Variants in HEMK1 observed in about 807,000 individuals in gnomAD.
The protein encoded by HEMK1 is HemK methyltransferase 1, mitochondrial release factors N(5)-glutamine, also known as MTRF1L release factor glutamine methyltransferase.
A neutral mutation model predicts 47.9 loss-of-function variants in HEMK1; 36 were observed. The observed-to-expected ratio is 0.75, with a 90% confidence interval of 0.58 to 0.99. HEMK1 has a LOEUF of 0.99. HEMK1 is among the 50% of genes least tolerant of loss of function. The pLI is 0.00. For missense variants in HEMK1, 383 were observed against 434.5 expected (o/e 0.88, Z 1.05); for synonymous variants, 153 against 165.4 (o/e 0.93, Z 0.57).
At position 50,584,763 on chromosome 3, in the gene HEMK1, C is replaced by T. The variant is rs1413100306; in HGVS notation, c.*4346C>T. ...TGTTGTTTTCACATGTGTGAAAACACATGTGTGATAATTTGTTACAGCAGC... is the reference window on the plus strand; with the variant it reads ...TGTTGTTTTCACATGTGTGAAAACATATGTGTGATAATTTGTTACAGCAGC... On this transcript the variant is annotated 3_prime_UTR_variant, in exon 11 of 11. Coordinates refer to ENST00000232854, the MANE Select transcript of HEMK1 (RefSeq NM_016173.5). 2 of 152,124 alleles carry T rather than the reference C, an allele frequency of 1.3e-5. No individual in the cohort carries two copies. Among genetic ancestry groups the T allele is most frequent in the Non-Finnish European group, 2.9e-5 (2 of 68,026 alleles). 9.4% of individuals were successfully genotyped at this position (152,124 alleles called of 1,614,324 possible).
intron 4 of HEMK1, among the ~76,000 whole-genome samples, chr3:50,575,492 AGTGTGG>A (rs1251409316): frequency 6.6e-6 from 1 of 152,124 alleles, no homozygotes; most frequent in African/African-American, 2.4e-5. Context: ...AAGCCCTGCC[AGTGTGG>A]GACACACTGC....
chr3:50,594,510 G>C lies in HEMK1; in HGVS notation c.*14093G>C, dbSNP rs2031870218. The C allele has an allele frequency of 6.6e-6, 1 of 152,308 alleles. No individual in the cohort carries two copies. Among genetic ancestry groups the C allele is most frequent in the African/African-American group, 2.4e-5 (1 of 41,470 alleles). The allele number at this position is 152,308 out of a possible 1,614,324, so 9.4% of individuals were successfully genotyped here. A position where few individuals can be genotyped will look rare whatever the true frequency, so the allele number is the denominator to read the frequency against. ...ACAAGGAATGGGCACTATTCAGGCA[G>C]GCCCCCATCACAGTCTGGTGGGGTC... On this transcript the variant is annotated 3_prime_UTR_variant, in exon 11 of 11. Coordinates refer to ENST00000232854, the MANE Select transcript of HEMK1 (RefSeq NM_016173.5).
rs2031043023 is a variant in HEMK1, at chr3:50,583,407, C to T, written c.*2990C>T. 1 of 152,214 alleles carries T rather than the reference C, an allele frequency of 6.6e-6. No homozygotes were observed. Among genetic ancestry groups the T allele is most frequent in the African/African-American group, 2.4e-5 (1 of 41,430 alleles). The allele number at this position is 152,214 out of a possible 1,614,324, so 9.4% of individuals were successfully genotyped here. On this transcript the variant is annotated 3_prime_UTR_variant, in exon 11 of 11. Coordinates refer to ENST00000232854, the MANE Select transcript of HEMK1 (RefSeq NM_016173.5). ...TGGCTCCCCATGACTTAAGTGTGTT[C>T]TCTTGTGTCCTATGGAATCCAGTTC...
chr3:50,571,338 G>GT lies in HEMK1; in HGVS notation c.228+9dup. On this transcript the variant is annotated splice_region_variant and intron_variant, in intron 2 of 10. Transcript: ENST00000232854. ...ATGTCCTTGGAGCCAAAACAGTTAAGTTTAGTGTTGTCAAGAGGACAGGAA... is the reference window on the plus strand; with the variant it reads ...ATGTCCTTGGAGCCAAAACAGTTAAGTTTTAGTGTTGTCAAGAGGACAGGAA... 1 of 1,566,712 alleles carries GT rather than the reference G, an allele frequency of 6.4e-7. No homozygotes were observed.
intron 4 of HEMK1, among the ~76,000 whole-genome samples, chr3:50,575,674 C>T (rs775078758): frequency 6.6e-6 from 1 of 152,162 alleles, no homozygotes; most frequent in Non-Finnish European, 1.5e-5. Context: ...ATCAGGGAAG[C>T]ACCCACTTGC....
chr3:50,577,729 C>A, intron 6 of HEMK1, 97 bp from the exon 7 acceptor site: 1 of 1,422,876 alleles, frequency 7.0e-7, no homozygotes, highest in South Asian at 1.1e-5. Context: ...CAGTGAGTAT[C>A]TTGCCAGTCC....
rs2031775775 is a variant in HEMK1, at chr3:50,592,480, T to C, written c.*12063T>C. The C allele has an allele frequency of 6.6e-6, 1 of 152,268 alleles. No homozygotes were observed. The highest frequency in any genetic ancestry group is 2.4e-5 in the African/African-American group (1 of 41,460). 9.4% of individuals were successfully genotyped at this position (152,268 alleles called of 1,614,324 possible). A position where few individuals can be genotyped will look rare whatever the true frequency, so the allele number is the denominator to read the frequency against. On this transcript the variant is annotated 3_prime_UTR_variant, in exon 11 of 11. Transcript: ENST00000232854. ...GAATAAAATTCAGCCTTCCAAATTT[T>C]ACTCAAATGCTTCTACTTTCTCTGA...
At chr3:50,580,328 T>C in intron 10 of HEMK1, 53 bp from the exon 11 acceptor site, 1 of 1,612,224 alleles carries the variant, frequency 6.2e-7, no homozygotes, top group Non-Finnish European at 8.5e-7. Context: ...TCCCACTTCC[T>C]GTTCATTCCC....
In HEMK1 at chr3:50,572,102, G is replaced by A; in HGVS notation, c.321-13G>A. ...CTCTGTCCCTGATGACCACCCAGCT[G>A]CCCCCTCTGCAGGATGCCGGTGCAG... is the stretch of plus-strand genomic sequence containing the variant. On this transcript the variant is annotated splice_polypyrimidine_tract_variant and intron_variant, in intron 3 of 10. Coordinates refer to ENST00000232854, the MANE Select transcript of HEMK1 (RefSeq NM_016173.5). The A allele has an allele frequency of 1.2e-6, 2 of 1,613,704 alleles. No individual in the cohort carries two copies. The highest frequency in any genetic ancestry group is 1.7e-6 in the Non-Finnish European group (2 of 1,179,832).
chr3:50,575,858 G>A (rs562378827), intron 4 of HEMK1, among the ~76,000 whole-genome samples: 4 of 152,316 alleles, frequency 2.6e-5, no homozygotes, highest in African/African-American at 9.6e-5. Flanking sequence ...TCCACTGCTG[G>A]TTAGAAAAAT....
At position 50,577,164 on chromosome 3, in the gene HEMK1, G is replaced by A; in HGVS notation, c.527G>A (p.Ser176Asn). The A allele has an allele frequency of 4.3e-6, 7 of 1,611,338 alleles. No individual in the cohort carries two copies. Among genetic ancestry groups the A allele is most frequent in the Non-Finnish European group, 5.9e-6 (7 of 1,179,306 alleles). Residue 176 changes from serine to asparagine, a missense_variant, in exon 5 of 11, where the codon AGC becomes AAC. Coordinates refer to ENST00000232854, the MANE Select transcript of HEMK1 (RefSeq NM_016173.5). ...TGCGGATCAGGAGCCATCTCCCTCA[G>A]CCTGCTGAGCCAGCTCCCCCAGGTG... ...VGCGSGAISLSLLSQLPQSRV... is the reference protein window; with the variant it reads ...VGCGSGAISLNLLSQLPQSRV...
In HEMK1 at chr3:50,593,020, C is replaced by T. The variant is rs992560213; in HGVS notation, c.*12603C>T. 3.3e-5 allele frequency: 5 copies of T among 152,250 alleles called. No homozygotes were observed. The highest frequency in any genetic ancestry group is 7.2e-5 in the African/African-American group (3 of 41,450). 9.4% of individuals were successfully genotyped at this position (152,250 alleles called of 1,614,324 possible). Reference sequence around the variant, plus strand: ...CTCAGGTCTTTGGGGTGTTGCCCCTCCACTACATGGCCCCAGACCAAGTTC... The same window carrying T: ...CTCAGGTCTTTGGGGTGTTGCCCCTTCACTACATGGCCCCAGACCAAGTTC... On this transcript the variant is annotated 3_prime_UTR_variant, in exon 11 of 11. Transcript: ENST00000232854.
rs922629662 is a variant in HEMK1 at position 50,580,769 on chromosome 3, G to A, written c.*352G>A. On this transcript the variant is annotated 3_prime_UTR_variant, in exon 11 of 11. Transcript: ENST00000232854. ...GCAAGGGTTTCCTTCTGCCCCAGCA[G>A]GGCTGGCCGTCAGTCCCCTGCTTGG... 5.9e-5 allele frequency: 21 copies of A among 354,842 alleles called. No individual in the cohort carries two copies. Among genetic ancestry groups the A allele is most frequent in the Admixed American group, 1.4e-4 (3 of 21,992 alleles). The allele number at this position is 354,842 out of a possible 1,614,324, so 22.0% of individuals were successfully genotyped here. A position where few individuals can be genotyped will look rare whatever the true frequency, so the allele number is the denominator to read the frequency against.
At chr3:50,572,585 G>A (rs1486832391) in intron 4 of HEMK1, among the ~76,000 whole-genome samples, 2 of 152,224 alleles carry the variant, frequency 1.3e-5, no homozygotes, top group Non-Finnish European at 2.9e-5. Context: ...AAGTGGAGAG[G>A]GCTCCAGCCG....
chr3:50,569,421 G>C (rs1700624740), upstream of HEMK1: 1 of 152,260 alleles, frequency 6.6e-6, no homozygotes, highest in South Asian at 2.1e-4. Flanking sequence ...GAACACTGAA[G>C]CTGGGCTACG....
At position 50,580,495 on chromosome 3, in the gene HEMK1, G is replaced by T; in HGVS notation, c.*78G>T. ...GGTGGATGGCACTTTCCAGAGCCCA[G>T]GTTCTTATGGCATTTCCCAGGGTTC... On this transcript the variant is annotated 3_prime_UTR_variant, in exon 11 of 11. Coordinates refer to ENST00000232854, the MANE Select transcript of HEMK1 (RefSeq NM_016173.5). 7.2e-7 allele frequency: 1 copy of T among 1,395,186 alleles called. No individual in the cohort carries two copies. Among genetic ancestry groups the T allele is most frequent in the Non-Finnish European group, 1.0e-6 (1 of 988,756 alleles). 86.4% of individuals were successfully genotyped at this position (1,395,186 alleles called of 1,614,324 possible).
rs1362747783 is a variant in HEMK1, at chr3:50,572,102, G to C, written c.321-13G>C. 1.2e-6 allele frequency: 2 copies of C among 1,613,586 alleles called. No homozygotes were observed. The highest frequency in any genetic ancestry group is 2.7e-5 in the African/African-American group (2 of 74,894). ...CTCTGTCCCTGATGACCACCCAGCT[G>C]CCCCCTCTGCAGGATGCCGGTGCAG... On this transcript the variant is annotated splice_polypyrimidine_tract_variant and intron_variant, in intron 3 of 10. Coordinates refer to ENST00000232854, the MANE Select transcript of HEMK1 (RefSeq NM_016173.5).
chr3:50,574,011 AC>A (rs1260599915), intron 4 of HEMK1, among the ~76,000 whole-genome samples: 1 of 152,298 alleles, frequency 6.6e-6, no homozygotes, highest in African/African-American at 2.4e-5. Flanking sequence ...GGTCTGCCCC[AC>A]CAGGGATGCC....
At chr3:50,574,034 G>T (rs1203505224) in intron 4 of HEMK1, among the ~76,000 whole-genome samples, 1 of 152,188 alleles carries the variant, frequency 6.6e-6, no homozygotes, top group African/African-American at 2.4e-5. Flanking sequence ...TCCTAATAGA[G>T]GGTACTCATG....
Sources: gnomAD v4.1 joint callset for allele counts (sites outside exome capture counted in the v4.1 genomes callset) on GRCh38, gnomAD v4.1.1 for gene constraint, MANE v1.5 for transcripts, NCBI Gene and HGNC (gene_info 2026-07-23, HGNC 2026-07-21) for gene names.